The following CCM2 variants were observed in gnomAD, a reference collection of about 807,000 sequenced individuals.
CCM2 encodes CCM2 scaffold protein.
In CCM2, 25 loss-of-function variants were observed where a neutral mutation model predicts 44.9. The ratio of observed to expected loss-of-function variants is 0.56; its 90% CI spans 0.41 to 0.78. CCM2 has a LOEUF of 0.78. Among genes scored for constraint, CCM2 ranks in the 30% least tolerant of loss-of-function variants. The pLI, the probability that CCM2 is intolerant of heterozygous loss-of-function variation, is 0.00. For missense variants in CCM2, 481 were observed against 580.6 expected, an observed-to-expected ratio of 0.83 and a Z score of 1.76; for synonymous variants, 219 against 241.1, an observed-to-expected ratio of 0.91 and a Z score of 0.85.
At chr7:45,032,870 A>G (rs1016692544) in intron 1 of CCM2, among the ~76,000 whole-genome samples, 112 of 151,980 alleles carry the variant, frequency 7.4e-4, no homozygotes, top group African/African-American at 2.2e-3. Context: ...TTGAAACCCC[A>G]TCTCTACTAA....
chr7:45,052,591 C>T (rs1320595878), intron 2 of CCM2, among the ~76,000 whole-genome samples: 5 of 152,134 alleles, frequency 3.3e-5, no homozygotes, highest in African/African-American at 1.2e-4. Context: ...ATCAGTAGTT[C>T]CTGATTGGTT....
intron 1 of CCM2, among the ~76,000 whole-genome samples, chr7:45,032,923 C>T (rs962654208): frequency 6.6e-6 from 1 of 151,852 alleles, no homozygotes; most frequent in Non-Finnish European, 1.5e-5. Flanking sequence ...TGCCTGTAAT[C>T]CCAGCTACTC....
chr7:45,002,444 C>T (rs1268056535), intron 1 of CCM2, among the ~76,000 whole-genome samples: 1 of 151,950 alleles, frequency 6.6e-6, no homozygotes, highest in Non-Finnish European at 1.5e-5. Context: ...CAGCGCTCGC[C>T]TATAGTCTCA....
At chr7:45,047,033 C>T (rs1038648750) in intron 2 of CCM2, among the ~76,000 whole-genome samples, 1 of 152,144 alleles carries the variant, frequency 6.6e-6, no homozygotes, top group Non-Finnish European at 1.5e-5. Context: ...TGCCAATACA[C>T]ACCTAACAGA....
chr7:45,052,446 A>G (rs1262330214), intron 2 of CCM2, among the ~76,000 whole-genome samples: 1 of 152,096 alleles, frequency 6.6e-6, no homozygotes, highest in African/African-American at 2.4e-5. Context: ...CTGTGGGTGT[A>G]ATTTAAGGGA....
intron 1 of CCM2, among the ~76,000 whole-genome samples, chr7:45,019,608 G>A (rs1796401822): frequency 6.6e-6 from 1 of 151,978 alleles, no homozygotes; most frequent in Non-Finnish European, 1.5e-5. Flanking sequence ...TTTTGAGACG[G>A]ATCTTGCTCT....
At chr7:45,038,153 G>A in intron 1 of CCM2, 100 bp from the exon 2 acceptor site, 1 of 1,367,854 alleles carries the variant, frequency 7.3e-7, no homozygotes. Context: ...TTGCATGGGG[G>A]CCATGGTAGT....
chr7:45,000,223 G>A lies in CCM2; in HGVS notation c.-111G>A. 1 of 635,436 alleles carries A rather than the reference G, an allele frequency of 1.6e-6. No homozygotes were observed. Among genetic ancestry groups the A allele is most frequent in the Non-Finnish European group, 2.0e-6 (1 of 510,206 alleles). The allele number at this position is 635,436 out of a possible 1,614,324, so 39.4% of individuals were successfully genotyped here. A position where few individuals can be genotyped will look rare whatever the true frequency, so the allele number is the denominator to read the frequency against. On this transcript the variant is annotated 5_prime_UTR_variant, in exon 1 of 10. Coordinates refer to ENST00000258781, the MANE Select transcript of CCM2 (RefSeq NM_031443.4). ...GGCGGAGACTTCGGGCCCGGCTGGC[G>A]GGCGGCGCCGGGAGCGCGGGGGCGG... is the stretch of plus-strand genomic sequence containing the variant.
intron 2 of CCM2, among the ~76,000 whole-genome samples, chr7:45,044,024 A>G (rs1797637172): frequency 6.6e-6 from 1 of 152,164 alleles, no homozygotes; most frequent in African/African-American, 2.4e-5. Context: ...TCCCTCCAGA[A>G]TTAGTTGTTT....
intron 2 of CCM2, among the ~76,000 whole-genome samples, chr7:45,056,041 T>C (rs540479264): frequency 1.3e-5 from 2 of 152,356 alleles, no homozygotes; most frequent in Admixed American, 1.3e-4. Context: ...CTGAATAATA[T>C]TTCATTGTAT....
intron 2 of CCM2, among the ~76,000 whole-genome samples, chr7:45,058,994 C>T (rs1347775294): frequency 2.0e-5 from 3 of 151,722 alleles, no homozygotes; most frequent in African/African-American, 7.3e-5. Flanking sequence ...ATCCACCTAC[C>T]TTGGCCTCTC....
rs575624724 is a variant in CCM2, at chr7:45,056,027, A to G, written c.205-7891A>G. Reference sequence around the variant, plus strand: ...ATGTGTCAGCATTTCCATTGCTTTTAAGGCTGAATAATATTTCATTGTATG... The same window carrying G: ...ATGTGTCAGCATTTCCATTGCTTTTGAGGCTGAATAATATTTCATTGTATG... On this transcript the variant is annotated intron_variant, in intron 2 of 9. Transcript: ENST00000258781. Among the ~76,000 whole-genome samples, 126 of 152,318 alleles carry G rather than the reference A, an allele frequency of 8.3e-4. 3 individuals are homozygous for G. In the South Asian group the frequency reaches 0.026, roughly 31 times the overall value.
intron 2 of CCM2, among the ~76,000 whole-genome samples, chr7:45,060,621 C>A (rs905327314): frequency 6.6e-6 from 1 of 152,150 alleles, no homozygotes; most frequent in African/African-American, 2.4e-5. Context: ...ATTCTGTTTT[C>A]TTTCTTTCGT....
In CCM2 at chr7:45,068,390, C is replaced by T. The variant is rs138789643; in HGVS notation, c.473-53C>T. On this transcript the variant is annotated intron_variant, in intron 4 of 9. Transcript: ENST00000258781. The stretch of plus-strand genomic sequence containing the variant: ...GCGGCCTCAGCTGTTTCCTCAAGTG[C>T]CCCCATGCCTGCCCTTCCACTGTGC... The T allele has an allele frequency of 1.6e-4, 263 of 1,612,080 alleles. 1 individual carries two copies. The East Asian group carries it at 5.7e-3, about 35-fold the overall frequency.
chr7:45,000,466 C>T, intron 1 of CCM2, 103 bp downstream of exon 1: 1 of 82,096 alleles, frequency 1.2e-5, no homozygotes, highest in Non-Finnish European at 1.8e-5. Context: ...GGGGGGGGGG[C>T]AGTGGGCCAG....
intron 8 of CCM2, chr7:45,073,932 C>T (rs1467456976): frequency 3.9e-6 from 2 of 517,660 alleles, no homozygotes; most frequent in Non-Finnish European, 7.0e-6. Flanking sequence ...TCCTGATTTG[C>T]CTGTGTGCCT....
intron 1 of CCM2, among the ~76,000 whole-genome samples, chr7:45,029,877 CTTTAAGAG>C (rs2128723374): frequency 6.6e-6 from 1 of 152,314 alleles, no homozygotes; most frequent in South Asian, 2.1e-4. Flanking sequence ...AGGTTTCCAA[CTTTAAGAG>C]TTGTTTTAAG....
chr7:45,069,811 T>C lies in CCM2; in HGVS notation c.610-15T>C, dbSNP rs377330230. On this transcript the variant is annotated splice_polypyrimidine_tract_variant and intron_variant, in intron 5 of 9. Transcript: ENST00000258781. ...CCAGCCAGACTGACCGAGCAGCTGC[T>C]GTCCCCCACTGCAGGTCGCTGCGGA... The C allele has an allele frequency of 3.7e-5, 60 of 1,613,884 alleles. No individual in the cohort carries two copies. Among genetic ancestry groups the C allele is most frequent in the Non-Finnish European group, 4.8e-5 (57 of 1,180,048 alleles).
At chr7:45,047,996 A>G (rs1448486595) in intron 2 of CCM2, among the ~76,000 whole-genome samples, 1 of 152,254 alleles carries the variant, frequency 6.6e-6, no homozygotes, top group East Asian at 1.9e-4. Flanking sequence ...AAAACTAAGT[A>G]ATGATTAAGA....
Sources: gnomAD v4.1 joint callset for allele counts (sites outside exome capture counted in the v4.1 genomes callset) on GRCh38, gnomAD v4.1.1 for gene constraint, MANE v1.5 for transcripts, NCBI Gene and HGNC (gene_info 2026-07-23, HGNC 2026-07-21) for gene names.